CHCHD6: variants seen among roughly 807,000 people sequenced by gnomAD.
CHCHD6 encodes MICOS complex subunit MIC25.
CHCHD6 carries 28 observed loss-of-function variants against 32.3 expected under a neutral mutation model. The observed-to-expected ratio is 0.87, with a 90% CI of 0.64 to 1.19. The LOEUF (loss-of-function observed/expected upper bound fraction) is 1.19, where lower values mean the gene tolerates loss of function less well. Among genes scored for constraint, CHCHD6 ranks in the 50% most tolerant of loss-of-function variants. CHCHD6 has a pLI of 0.00. For synonymous variants in CHCHD6, 122 were observed against 117.5 expected, an observed-to-expected ratio of 1.04 and a Z score of -0.25; for missense variants, 333 against 307.0, an observed-to-expected ratio of 1.08 and a Z score of -0.63.
chr3:126,856,660 T>G (rs1427371257), intron 5 of CHCHD6, among the ~76,000 whole-genome samples: 1 of 152,210 alleles, frequency 6.6e-6, no homozygotes, highest in African/African-American at 2.4e-5. Flanking sequence ...GACTTGTGCC[T>G]CTTCAGAACC....
At chr3:126,897,790 G>T (rs909987488) in intron 5 of CHCHD6, among the ~76,000 whole-genome samples, 2 of 152,112 alleles carry the variant, frequency 1.3e-5, no homozygotes, top group Non-Finnish European at 2.9e-5. Context: ...CATTTGCTCT[G>T]CCTGGAATGC....
At chr3:126,926,069 T>G (rs1369243578) in intron 6 of CHCHD6, among the ~76,000 whole-genome samples, 3 of 152,198 alleles carry the variant, frequency 2.0e-5, no homozygotes, top group African/African-American at 7.2e-5. Flanking sequence ...ACCTCCCTGC[T>G]TAGGACTCTC....
At chr3:126,784,321 C>T (rs960387768) in intron 4 of CHCHD6, among the ~76,000 whole-genome samples, 9 of 152,170 alleles carry the variant, frequency 5.9e-5, no homozygotes, top group African/African-American at 2.2e-4. Context: ...TCTTTCCTTT[C>T]AATGCATTCT....
chr3:126,766,891 T>G, intron 4 of CHCHD6: 1 of 1,008,798 alleles, frequency 9.9e-7, no homozygotes, highest in South Asian at 1.3e-5. Flanking sequence ...GACCATCTCA[T>G]CCTGCTCTGC....
At chr3:126,957,599 G>A (rs1301732991) in intron 7 of CHCHD6, 48 bp downstream of exon 7, 1 of 1,543,912 alleles carries the variant, frequency 6.5e-7, no homozygotes, top group African/African-American at 1.4e-5. Context: ...TGGGAGGTAG[G>A]CGAGGTACCT....
intron 4 of CHCHD6, among the ~76,000 whole-genome samples, chr3:126,741,019 A>T (rs1243885057): frequency 6.6e-6 from 1 of 152,228 alleles, no homozygotes; most frequent in East Asian, 1.9e-4. Context: ...TCACTGCTGC[A>T]GTAGTGATGC....
At chr3:126,880,194 A>T (rs2077590624) in intron 5 of CHCHD6, among the ~76,000 whole-genome samples, 1 of 152,154 alleles carries the variant, frequency 6.6e-6, no homozygotes, top group African/African-American at 2.4e-5. Flanking sequence ...CCTTTCAGTG[A>T]TGGAAACTCA....
chr3:126,734,373 A>T (rs1030663045), intron 4 of CHCHD6, among the ~76,000 whole-genome samples: 1 of 152,204 alleles, frequency 6.6e-6, no homozygotes, highest in Non-Finnish European at 1.5e-5. Flanking sequence ...GCACTACTTT[A>T]GGTGGGTAGC....
At chr3:126,877,447 C>T (rs2077553553) in intron 5 of CHCHD6, among the ~76,000 whole-genome samples, 1 of 151,706 alleles carries the variant, frequency 6.6e-6, no homozygotes, top group African/African-American at 2.4e-5. Context: ...CGCAGCTACT[C>T]AGGAGCCTGA....
At chr3:126,758,193 C>G (rs1937031971) in intron 4 of CHCHD6, among the ~76,000 whole-genome samples, 1 of 152,242 alleles carries the variant, frequency 6.6e-6, no homozygotes, top group Non-Finnish European at 1.5e-5. Flanking sequence ...GAAGATGCTT[C>G]TGGTGTATTG....
At chr3:126,927,277 C>T (rs549007545) in intron 6 of CHCHD6, among the ~76,000 whole-genome samples, 2 of 152,308 alleles carry the variant, frequency 1.3e-5, no homozygotes, top group African/African-American at 4.8e-5. Context: ...GCATCAGGAG[C>T]GTTCGTCTGC....
intron 4 of CHCHD6, among the ~76,000 whole-genome samples, chr3:126,800,455 G>A (rs1281853046): frequency 6.6e-6 from 1 of 152,192 alleles, no homozygotes; most frequent in Non-Finnish European, 1.5e-5. Context: ...CACTTACCAG[G>A]GTGTCCCCAA....
chr3:126,867,727 T>C (rs1942334999), intron 5 of CHCHD6, among the ~76,000 whole-genome samples: 1 of 151,102 alleles, frequency 6.6e-6, no homozygotes, highest in Non-Finnish European at 1.5e-5. Flanking sequence ...AACAGATGCT[T>C]GTGCCACCCC....
intron 5 of CHCHD6, among the ~76,000 whole-genome samples, chr3:126,900,763 C>T (rs1436565620): frequency 7.2e-5 from 11 of 152,254 alleles, no homozygotes; most frequent in African/African-American, 2.2e-4. Flanking sequence ...TGCCACCACG[C>T]CTGGCTGATT....
At chr3:126,858,789 G>C (rs1268504233) in intron 5 of CHCHD6, among the ~76,000 whole-genome samples, 1 of 152,174 alleles carries the variant, frequency 6.6e-6, no homozygotes, top group Non-Finnish European at 1.5e-5. Context: ...TTCTGACCAG[G>C]TTGCTCCATG....
intron 6 of CHCHD6, chr3:126,934,996 C>A: frequency 3.4e-6 from 1 of 297,010 alleles, no homozygotes; most frequent in Non-Finnish European, 5.0e-6. Context: ...CAATTCTGGA[C>A]GAGAAGACAG....
At chr3:126,942,798 G>A (rs2078579464) in intron 6 of CHCHD6, among the ~76,000 whole-genome samples, 2 of 152,122 alleles carry the variant, frequency 1.3e-5, no homozygotes, top group African/African-American at 2.4e-5. Flanking sequence ...TTGCTTCTAG[G>A]TGCTCTCAGT....
At chr3:126,874,573 C>T (rs2077516886) in intron 5 of CHCHD6, among the ~76,000 whole-genome samples, 1 of 152,154 alleles carries the variant, frequency 6.6e-6, no homozygotes, top group South Asian at 2.1e-4. Flanking sequence ...ATGAATGGTC[C>T]ACTTTCACTA....
At chr3:126,742,027 T>A (rs7623626) in intron 4 of CHCHD6, among the ~76,000 whole-genome samples, 69,248 of 152,056 alleles carry the variant, frequency 0.46, 17,433 homozygotes, top group African/African-American at 0.68. Context: ...TCTGCCAGGG[T>A]CTGCTAGAGA....
Sources: allele counts gnomAD v4.1 joint callset (sites outside exome capture counted in the v4.1 genomes callset), GRCh38; gene constraint gnomAD v4.1.1; transcripts MANE v1.5; gene names NCBI Gene and HGNC (gene_info 2026-07-23, HGNC 2026-07-21).